Variants in PSMC6 observed in about 807,000 individuals in gnomAD.
The protein encoded by PSMC6 is proteasome 26S subunit, ATPase 6.
Under a neutral mutation model 55.9 loss-of-function variants are expected in PSMC6, and 3 were observed. The ratio of observed to expected loss-of-function variants is 0.05; its 90% confidence interval spans 0.02 to 0.14. PSMC6 has a LOEUF of 0.14. Among genes scored for constraint, PSMC6 ranks in the 10% least tolerant of loss-of-function variants. PSMC6 has a pLI of 1.00. For synonymous variants in PSMC6, 137 were observed against 155.9 expected, an observed-to-expected ratio of 0.88 and a Z score of 0.90; for missense variants, 210 against 478.7, an observed-to-expected ratio of 0.44 and a Z score of 5.24.
At position 52,720,967 on chromosome 14, in the gene PSMC6, T is replaced by C. The variant is rs1191175608; in HGVS notation, c.884T>C (p.Leu295Ser). 1.2e-6 allele frequency: 2 copies of C among 1,613,028 alleles called. No homozygotes were observed. The highest frequency in any genetic ancestry group is 1.7e-6 in the Non-Finnish European group (2 of 1,179,452). ...CCTGCTTTGCTGCGTCCAGGAAGAT[T>C]AGATAGAAAAATACGTGAGTTAAGA... ...LDPALLRPGR[L>S]DRKIHIDLPN... is the part of the protein sequence containing the mutation. The change falls in exon 11 of 14, where the codon TTA becomes TCA. Residue 295 changes from leucine to serine, a missense_variant. Physicochemically the swap from Leu to Ser is moderately radical, Grantham distance 145. Coordinates refer to ENST00000445930, the MANE Select transcript of PSMC6 (RefSeq NM_002806.5).
intron 7 of PSMC6, among the ~76,000 whole-genome samples, chr14:52,715,616 TTTC>T (rs1594850340): frequency 1.3e-5 from 2 of 151,720 alleles, no homozygotes; most frequent in East Asian, 3.9e-4. Context: ...TTTCTTTTCT[TTTC>T]TTTTTTTTTT....
rs752354613 is a variant in PSMC6, at chr14:52,721,089, A to G, written c.899-21A>G. ...TTTAAAAAAGATAAAACTGGACTAT[A>G]AAATAATTTTTTATTTTCAGATATT... is the stretch of plus-strand genomic sequence containing the variant. On this transcript the variant is annotated intron_variant, in intron 11 of 13. Transcript: ENST00000445930. 10 of 1,580,272 alleles carry G rather than the reference A, an allele frequency of 6.3e-6. No homozygotes were observed. In the South Asian group the frequency reaches 1.1e-4, roughly 17 times the overall value.
At chr14:52,709,777 T>G (rs2041746779) in intron 4 of PSMC6, 1 of 234,574 alleles carries the variant, frequency 4.3e-6, no homozygotes, top group Non-Finnish European at 8.6e-6. Context: ...GTTGTACTGG[T>G]TGAGCATCCC....
chr14:52,723,691 A>G (rs1273234734), intron 12 of PSMC6: 8 of 500,544 alleles, frequency 1.6e-5, no homozygotes, highest in Non-Finnish European at 2.2e-5. Context: ...ACATGTGCAT[A>G]GCTATTTCAC....
intron 12 of PSMC6, chr14:52,722,408 T>C (rs1432289968): frequency 6.7e-6 from 1 of 149,848 alleles, no homozygotes; most frequent in Non-Finnish European, 1.5e-5. Flanking sequence ...CTACTGGGAA[T>C]GACCTAGGAG....
At chr14:52,726,403 G>A (rs955285590) in intron 13 of PSMC6, among the ~76,000 whole-genome samples, 8 of 152,174 alleles carry the variant, frequency 5.3e-5, no homozygotes, top group African/African-American at 1.9e-4. Flanking sequence ...AAAACCCGCT[G>A]TTGGCTTTCT....
At position 52,718,864 on chromosome 14, in the gene PSMC6, C is replaced by G. The variant is rs564177699; in HGVS notation, c.716-113C>G. 3 of 821,860 alleles carry G rather than the reference C, an allele frequency of 3.7e-6. No homozygotes were observed. The East Asian group carries it at 7.7e-5, about 21-fold the overall frequency. The allele number at this position is 821,860 out of a possible 1,614,324, so 50.9% of individuals were successfully genotyped here. On this transcript the variant is annotated intron_variant, in intron 9 of 13. Coordinates refer to ENST00000445930, the MANE Select transcript of PSMC6 (RefSeq NM_002806.5). ...TAACTTTGTCAGCATAATTCTTGCT[C>G]TTTAATTTTCATCTTAATGTTTTAA...
chr14:52,711,343 A>G, intron 5 of PSMC6, 67 bp from the exon 6 acceptor site: 2 of 1,377,620 alleles, frequency 1.5e-6, no homozygotes, highest in Non-Finnish European at 2.0e-6. Flanking sequence ...CAAGTTATTT[A>G]TATGCTATCT....
intron 6 of PSMC6, among the ~76,000 whole-genome samples, chr14:52,712,134 A>T (rs1335212126): frequency 6.6e-6 from 1 of 152,200 alleles, no homozygotes; most frequent in Non-Finnish European, 1.5e-5. Context: ...GGCTGTGAAT[A>T]TTTAGGAATT....
At chr14:52,710,882 C>T (rs2041764495) in intron 4 of PSMC6, 2 of 542,354 alleles carry the variant, frequency 3.7e-6, no homozygotes, top group Admixed American at 6.6e-5. Context: ...ACATTTTACA[C>T]TGAGATTACA....
At chr14:52,708,989 G>A in intron 4 of PSMC6, 173 bp downstream of exon 4, 1 of 848,094 alleles carries the variant, frequency 1.2e-6, no homozygotes, top group South Asian at 2.1e-5. Context: ...CATGGGCTTT[G>A]ACTCCTGGCA....
At chr14:52,723,896 T>G in intron 12 of PSMC6, 69 bp from the exon 13 acceptor site, 1 of 1,582,694 alleles carries the variant, frequency 6.3e-7, no homozygotes, top group South Asian at 1.2e-5. Flanking sequence ...AGTTTAAATT[T>G]TCGATGTGGG....
chr14:52,707,686 A>G lies in PSMC6; in HGVS notation c.85+382A>G, dbSNP rs541293880. Among the ~76,000 whole-genome samples the G allele has an allele frequency of 1.5e-4, 23 of 152,304 alleles. No homozygotes were observed. In the South Asian group the frequency reaches 4.6e-3, roughly 30 times the overall value. ...CTCAAACAAGAGATGAGACTCAGGG[A>G]GTCGGCTTGTTCTTGGAGTCGAAAG... On this transcript the variant is annotated intron_variant, in intron 1 of 13. Transcript: ENST00000445930.
intron 12 of PSMC6, chr14:52,723,581 T>G (rs1459947074): frequency 6.0e-6 from 1 of 167,096 alleles, no homozygotes; most frequent in Non-Finnish European, 1.3e-5. Context: ...CAAAGTAAAT[T>G]CCATTGTTAT....
chr14:52,719,045 T>A lies in PSMC6; in HGVS notation c.777+7T>A. 6.2e-7 allele frequency: 1 copy of A among 1,603,730 alleles called. No individual in the cohort carries two copies. The highest frequency in any genetic ancestry group is 8.5e-7 in the Non-Finnish European group (1 of 1,170,854). On this transcript the variant is annotated splice_region_variant and intron_variant, in intron 10 of 13. Coordinates refer to ENST00000445930, the MANE Select transcript of PSMC6 (RefSeq NM_002806.5). ...TCAGAGAACGTTAATGGAGGTAATA[T>A]TTGGTAAAGGGGGTTTATAAAGAAA...
At chr14:52,708,685 A>C in intron 3 of PSMC6, 79 bp from the exon 4 acceptor site, 1 of 1,592,042 alleles carries the variant, frequency 6.3e-7, no homozygotes, top group Non-Finnish European at 8.6e-7. Flanking sequence ...CAGAAATACA[A>C]CTAAACCCTC....
At chr14:52,711,064 A>T in intron 4 of PSMC6, 37 bp from the exon 5 acceptor site, 4 of 1,428,402 alleles carry the variant, frequency 2.8e-6, no homozygotes, top group Middle Eastern at 2.2e-4. Context: ...TTCCGTTTTT[A>T]AGTGTTGATG....
At position 52,720,878 on chromosome 14, in the gene PSMC6, T is replaced by G; in HGVS notation, c.795T>G (p.Asp265Glu). ...RTLMELLNQM[D>E]GFDTLHRVKM... The stretch of plus-strand genomic sequence containing the variant: ...ATTCTTAGTTACTGAATCAAATGGA[T>G]GGATTTGATACTCTGCATAGAGTTA... The change falls in exon 11 of 14, where the codon GAT becomes GAG. Residue 265 changes from aspartate to glutamate, a missense_variant. Transcript: ENST00000445930. The G allele has an allele frequency of 6.3e-7, 1 of 1,595,670 alleles. No individual in the cohort carries two copies. Among genetic ancestry groups the G allele is most frequent in the Non-Finnish European group, 8.6e-7 (1 of 1,167,316 alleles).
At chr14:52,726,772 G>C (rs779896005) in intron 13 of PSMC6, among the ~76,000 whole-genome samples, 1 of 151,936 alleles carries the variant, frequency 6.6e-6, no homozygotes, top group Non-Finnish European at 1.5e-5. Flanking sequence ...CTCCCAAGTA[G>C]CTGGGGTTAC....
Sources: gnomAD v4.1 joint callset for allele counts (sites outside exome capture counted in the v4.1 genomes callset) on GRCh38, gnomAD v4.1.1 for gene constraint, MANE v1.5 for transcripts, NCBI Gene and HGNC (gene_info 2026-07-23, HGNC 2026-07-21) for gene names.